Variants in ARHGAP17 observed in about 807,000 individuals in gnomAD.
The protein encoded by ARHGAP17 is rho GTPase-activating protein 17.
In ARHGAP17, 57 loss-of-function variants were observed where a neutral mutation model predicts 99.5. That is an observed-to-expected ratio of 0.57 (90% confidence interval 0.46 to 0.71). ARHGAP17 has a LOEUF of 0.71. Among genes scored for constraint, ARHGAP17 ranks in the 30% least tolerant of loss-of-function variants. The pLI is 0.00. For synonymous variants in ARHGAP17, 417 were observed against 429.6 expected, an observed-to-expected ratio of 0.97 and a Z score of 0.36; for missense variants, 1,000 against 1,122.4, an observed-to-expected ratio of 0.89 and a Z score of 1.56.
At chr16:24,979,360 T>G (rs2052607883) in intron 1 of ARHGAP17, among the ~76,000 whole-genome samples, 1 of 152,162 alleles carries the variant, frequency 6.6e-6, no homozygotes, top group African/African-American at 2.4e-5. Flanking sequence ...ACCCTGCATT[T>G]TTAACAGCCA....
At chr16:24,981,985 T>C (rs1378405441) in intron 1 of ARHGAP17, among the ~76,000 whole-genome samples, 1 of 152,254 alleles carries the variant, frequency 6.6e-6, no homozygotes, top group Non-Finnish European at 1.5e-5. Flanking sequence ...ATATATTATA[T>C]GAAAATGTTA....
intron 1 of ARHGAP17, among the ~76,000 whole-genome samples, chr16:25,002,219 G>A (rs984483667): frequency 1.5e-4 from 23 of 152,068 alleles, no homozygotes; most frequent in Non-Finnish European, 4.4e-5. Context: ...GTAAAACAAT[G>A]AAAAAGTGAA....
intron 1 of ARHGAP17, among the ~76,000 whole-genome samples, chr16:24,987,815 G>T (rs969795141): frequency 1.3e-5 from 2 of 152,166 alleles, no homozygotes; most frequent in Non-Finnish European, 2.9e-5. Context: ...AGCATGGAGA[G>T]AATTTTTAAT....
At chr16:24,953,495 C>T (rs2051707048) in intron 10 of ARHGAP17, among the ~76,000 whole-genome samples, 1 of 152,130 alleles carries the variant, frequency 6.6e-6, no homozygotes, top group African/African-American at 2.4e-5. Flanking sequence ...TGAGATCTCA[C>T]ATGATCTGGT....
At chr16:24,964,170 G>T in intron 7 of ARHGAP17, 27 bp downstream of exon 7, 2 of 1,469,892 alleles carry the variant, frequency 1.4e-6, no homozygotes, top group South Asian at 1.4e-5. Context: ...AAACCGAAAA[G>T]ATACATTTAT....
intron 1 of ARHGAP17, among the ~76,000 whole-genome samples, chr16:25,006,411 C>CTT (rs2053507467): frequency 6.7e-6 from 1 of 148,262 alleles, no homozygotes; most frequent in Admixed American, 6.8e-5. Flanking sequence ...GATCATGCCA[C>CTT]TGCACTCCAG....
intron 12 of ARHGAP17, 119 bp from the exon 13 acceptor site, chr16:24,949,603 A>G (rs574886932): frequency 6.5e-6 from 5 of 766,870 alleles, no homozygotes; most frequent in Non-Finnish European, 1.0e-5. Flanking sequence ...AAAACAGCCC[A>G]TGCTATGGAA....
chr16:25,003,345 G>A (rs1049703848), intron 1 of ARHGAP17, among the ~76,000 whole-genome samples: 7 of 144,208 alleles, frequency 4.9e-5, no homozygotes, highest in Non-Finnish European at 9.0e-5. Flanking sequence ...AGCGATTCTC[G>A]TGCCTCAGCC....
chr16:25,003,692 T>G (rs1203253075), intron 1 of ARHGAP17, among the ~76,000 whole-genome samples: 1 of 151,754 alleles, frequency 6.6e-6, no homozygotes, highest in Admixed American at 6.6e-5. Context: ...GGAGTGGTAG[T>G]GCACACCTGT....
At position 24,942,138 on chromosome 16, in the gene ARHGAP17, C is replaced by G; in HGVS notation, c.1339G>C (p.Glu447Gln). ...ACAAATGCTTCTGATACATTAAATT[C>G]CACCTCTGCAAGAGGAAAAATAAAC... ...HADWFFPEEV[E>Q]FNVSEAFVPL... Residue 447 changes from glutamate to glutamine, a missense_variant, in exon 16 of 20, where the codon GAA becomes CAA. Physicochemically the swap from Glu to Gln is conservative, Grantham distance 29 (BLOSUM62 2). Transcript: ENST00000289968. The G allele has an allele frequency of 7.0e-7, 1 of 1,426,006 alleles. No individual in the cohort carries two copies. Among genetic ancestry groups the G allele is most frequent in the Non-Finnish European group, 9.4e-7 (1 of 1,059,838 alleles). 88.3% of individuals were successfully genotyped at this position (1,426,006 alleles called of 1,614,324 possible). A position where few individuals can be genotyped will look rare whatever the true frequency, so the allele number is the denominator to read the frequency against.
intron 15 of ARHGAP17, among the ~76,000 whole-genome samples, chr16:24,942,542 G>A (rs569367942): frequency 6.6e-5 from 10 of 152,128 alleles, no homozygotes; most frequent in Non-Finnish European, 1.5e-4. Context: ...CAAGGCAGGC[G>A]GATCACTTGA....
intron 6 of ARHGAP17, among the ~76,000 whole-genome samples, chr16:24,967,911 G>A (rs8049531): frequency 0.094 from 14,225 of 152,058 alleles, 761 homozygotes; most frequent in Middle Eastern, 0.2. Context: ...CATCAGCAGC[G>A]CTGATTTGGC....
At chr16:24,948,272 A>G (rs1289317459) in intron 13 of ARHGAP17, among the ~76,000 whole-genome samples, 1 of 152,202 alleles carries the variant, frequency 6.6e-6, no homozygotes, top group African/African-American at 2.4e-5. Context: ...TTTTTTAAAA[A>G]GGGGGTGTGA....
intron 1 of ARHGAP17, among the ~76,000 whole-genome samples, chr16:25,010,640 G>A (rs567108608): frequency 6.6e-6 from 1 of 152,310 alleles, no homozygotes; most frequent in African/African-American, 2.4e-5. Flanking sequence ...CAAGCAGTTG[G>A]GTGATCCACA....
intron 1 of ARHGAP17, among the ~76,000 whole-genome samples, chr16:25,012,286 A>G (rs2053662487): frequency 6.6e-6 from 1 of 152,196 alleles, no homozygotes; most frequent in Non-Finnish European, 1.5e-5. Context: ...CACCCATCGT[A>G]AACAAACTGC....
intron 13 of ARHGAP17, among the ~76,000 whole-genome samples, chr16:24,948,666 C>CT (rs2051544511): frequency 6.6e-6 from 1 of 151,922 alleles, no homozygotes; most frequent in Non-Finnish European, 1.5e-5. Context: ...TGTAGCTTAG[C>CT]TTAGTAGGAG....
chr16:25,005,782 T>C (rs2053489183), intron 1 of ARHGAP17, among the ~76,000 whole-genome samples: 2 of 152,150 alleles, frequency 1.3e-5, no homozygotes, highest in Admixed American at 1.3e-4. Context: ...TTTAAATAGA[T>C]AACAAATTTT....
chr16:24,928,994 A>T (rs984788592), intron 19 of ARHGAP17, among the ~76,000 whole-genome samples: 1 of 152,186 alleles, frequency 6.6e-6, no homozygotes, highest in Non-Finnish European at 1.5e-5. Flanking sequence ...ACAAAAATTT[A>T]AAATTAAAGC....
chr16:24,954,327 C>T (rs569573908), intron 10 of ARHGAP17, among the ~76,000 whole-genome samples: 1 of 152,292 alleles, frequency 6.6e-6, no homozygotes, highest in South Asian at 2.1e-4. Context: ...TCAAACAGGA[C>T]ACAAAGAGGT....
Sources: allele counts gnomAD v4.1 joint callset (sites outside exome capture counted in the v4.1 genomes callset), GRCh38; gene constraint gnomAD v4.1.1; transcripts MANE v1.5; gene names NCBI Gene and HGNC (gene_info 2026-07-23, HGNC 2026-07-21).